Variants in LRP1B observed in about 807,000 individuals in gnomAD.
The protein encoded by LRP1B is low-density lipoprotein receptor-related protein 1B.
LRP1B carries 217 observed loss-of-function variants against 556.6 expected under a neutral mutation model. The observed-to-expected ratio is 0.39, with a 90% CI of 0.35 to 0.44. The LOEUF is 0.44. Ranked by LOEUF, LRP1B falls within the 20% of genes least tolerant of loss-of-function variation. The probability of loss-of-function intolerance (pLI) is 1.00; values close to 1 mark genes in which losing one functional copy is unlikely to be tolerated. For synonymous variants in LRP1B, 2,047 were observed against 1,865.8 expected (o/e 1.10, Z -2.50); for missense variants, 5,053 against 5,620.8 (o/e 0.90, Z 3.23).
At chr2:141,099,104 A>C (rs1700397820) in intron 7 of LRP1B, among the ~76,000 whole-genome samples, 1 of 152,230 alleles carries the variant, frequency 6.6e-6, no homozygotes, top group Admixed American at 6.5e-5. Context: ...AATTGTAAAA[A>C]TATTAATATT....
At chr2:141,701,609 G>A (rs1324509198) in intron 2 of LRP1B, among the ~76,000 whole-genome samples, 3 of 151,808 alleles carry the variant, frequency 2.0e-5, no homozygotes, top group Non-Finnish European at 4.4e-5. Context: ...TGGTTGTGAG[G>A]ATTATGTGGG....
chr2:140,323,199 C>A, intron 81 of LRP1B, among the ~76,000 whole-genome samples: 1 of 151,898 alleles, frequency 6.6e-6, no homozygotes, highest in East Asian at 1.9e-4. Flanking sequence ...GAATTTCAGC[C>A]ATATTATTAT....
chr2:140,874,750 G>A (rs1264450602), intron 25 of LRP1B, among the ~76,000 whole-genome samples: 3 of 151,978 alleles, frequency 2.0e-5, no homozygotes, highest in African/African-American at 7.3e-5. Flanking sequence ...TGGGCGTGGT[G>A]GCTCATGCCT....
intron 1 of LRP1B, among the ~76,000 whole-genome samples, chr2:141,820,309 A>C (rs906921981): frequency 6.6e-6 from 1 of 152,230 alleles, no homozygotes; most frequent in African/African-American, 2.4e-5. Flanking sequence ...TCTTAAGTCT[A>C]TAATTAATAG....
rs13418259 is a variant in LRP1B at position 140,964,018 on chromosome 2, A to C, written c.2888-12078T>G. On this transcript the variant is annotated intron_variant, in intron 18 of 90. Coordinates refer to ENST00000389484, the MANE Select transcript of LRP1B (RefSeq NM_018557.3). ...GTAGTGGCCCCGAATGTCGGGCTGC[A>C]CTGTTATTTATTGGATACAAGGCAG... 8.4e-3 allele frequency among the ~76,000 whole-genome samples: 1,279 copies of C among 152,242 alleles called. 21 individuals carry two copies. The highest frequency in any genetic ancestry group is 0.029 in the African/African-American group (1,223 of 41,540).
intron 3 of LRP1B, among the ~76,000 whole-genome samples, chr2:141,389,379 C>A (rs1246233446): frequency 2.0e-5 from 3 of 152,112 alleles, no homozygotes; most frequent in African/African-American, 7.2e-5. Context: ...GATAAATAGT[C>A]TCTTCAACAA....
chr2:141,005,573 A>T (rs924461926), intron 14 of LRP1B, 116 bp from the exon 15 acceptor site: 1 of 792,032 alleles, frequency 1.3e-6, no homozygotes, highest in African/African-American at 1.8e-5. Context: ...TATATTTAGT[A>T]ATATAGTGAA....
intron 1 of LRP1B, among the ~76,000 whole-genome samples, chr2:141,868,825 A>C (rs746269790): frequency 6.6e-6 from 1 of 152,128 alleles, no homozygotes; most frequent in South Asian, 2.1e-4. Flanking sequence ...ACAAAGGAAC[A>C]AAATGTCAAG....
chr2:141,463,275 AT>A (rs1419477794), intron 3 of LRP1B, among the ~76,000 whole-genome samples: 1 of 152,006 alleles, frequency 6.6e-6, no homozygotes, highest in Non-Finnish European at 1.5e-5. Context: ...TTCCATCTGT[AT>A]CTGAATAGCA....
intron 43 of LRP1B, among the ~76,000 whole-genome samples, chr2:140,583,626 T>C (rs1681868979): frequency 1.3e-5 from 2 of 152,126 alleles, no homozygotes; most frequent in Non-Finnish European, 2.9e-5. Flanking sequence ...GACTTTAGTT[T>C]TAAATGTTAG....
intron 1 of LRP1B, among the ~76,000 whole-genome samples, chr2:141,879,643 T>C (rs942925751): frequency 1.4e-5 from 1 of 71,028 alleles, no homozygotes; most frequent in African/African-American, 5.6e-5. Context: ...TTCCTACACC[T>C]AGGAAGGCCA....
At chr2:141,439,731 CAG>C (rs1680888975) in intron 3 of LRP1B, among the ~76,000 whole-genome samples, 2 of 152,058 alleles carry the variant, frequency 1.3e-5, no homozygotes, top group Non-Finnish European at 2.9e-5. Flanking sequence ...ATGTATGACT[CAG>C]AGGAAAACAC....
At chr2:141,077,577 T>C (rs1178284893) in intron 7 of LRP1B, among the ~76,000 whole-genome samples, 2 of 152,214 alleles carry the variant, frequency 1.3e-5, no homozygotes, top group African/African-American at 4.8e-5. Flanking sequence ...CGGCTGCCTT[T>C]AAGTAAAGAT....
chr2:141,654,352 G>A (rs1013987438), intron 2 of LRP1B, among the ~76,000 whole-genome samples: 1 of 152,164 alleles, frequency 6.6e-6, no homozygotes, highest in African/African-American at 2.4e-5. Flanking sequence ...AGGGAGTACT[G>A]TCTTGACAAA....
In LRP1B at chr2:141,039,635, A is replaced by G. The variant is rs541841703; in HGVS notation, c.1789+9351T>C. 2.3e-4 allele frequency among the ~76,000 whole-genome samples: 35 copies of G among 152,188 alleles called. No individual in the cohort carries two copies. In the South Asian group the frequency reaches 5.6e-3, roughly 24 times the overall value. ...CTTTTGAGCTCACATGTGTATATAC[A>G]TATGGGTATATTTTGTGTTTGTCAT... On this transcript the variant is annotated intron_variant, in intron 11 of 90. Coordinates refer to ENST00000389484, the MANE Select transcript of LRP1B (RefSeq NM_018557.3).
At chr2:141,236,013 C>G (rs1474795571) in intron 5 of LRP1B, among the ~76,000 whole-genome samples, 1 of 152,016 alleles carries the variant, frequency 6.6e-6, no homozygotes, top group Non-Finnish European at 1.5e-5. Flanking sequence ...GTGATCAAAA[C>G]TATGCTTTAA....
At chr2:140,672,641 T>C (rs1391368152) in intron 41 of LRP1B, among the ~76,000 whole-genome samples, 1 of 152,130 alleles carries the variant, frequency 6.6e-6, no homozygotes, top group East Asian at 1.9e-4. Flanking sequence ...ATTCTTCCTT[T>C]TTGATGGGTT....
intron 33 of LRP1B, among the ~76,000 whole-genome samples, chr2:140,775,654 T>C (rs140482399): frequency 2.0e-5 from 3 of 152,144 alleles, no homozygotes; most frequent in South Asian, 2.1e-4. Flanking sequence ...TCCATTTCAC[T>C]GCACACAATT....
intron 2 of LRP1B, among the ~76,000 whole-genome samples, chr2:141,509,990 A>T (rs922861809): frequency 6.6e-6 from 1 of 152,116 alleles, no homozygotes; most frequent in Admixed American, 6.6e-5. Flanking sequence ...TCATTTAGAA[A>T]ACTCAGTAGA....
Sources: allele counts gnomAD v4.1 joint callset (sites outside exome capture counted in the v4.1 genomes callset), GRCh38; gene constraint gnomAD v4.1.1; transcripts MANE v1.5; gene names NCBI Gene and HGNC (gene_info 2026-07-23, HGNC 2026-07-21).